Variants in STAM observed in about 807,000 individuals in gnomAD.
STAM encodes the protein signal transducing adaptor molecule.
Under a neutral mutation model 63.4 loss-of-function variants are expected in STAM, and 16 were observed. That is an observed-to-expected ratio of 0.25 (90% confidence interval 0.17 to 0.38). The LOEUF (loss-of-function observed/expected upper bound fraction) is 0.38, where lower values mean the gene tolerates loss of function less well. Ranked by LOEUF, STAM falls within the 10% of genes least tolerant of loss-of-function variation. The pLI, the probability that STAM is intolerant of heterozygous loss-of-function variation, is 1.00. For missense variants in STAM, 636 were observed against 657.1 expected (o/e 0.97, Z 0.35); for synonymous variants, 238 against 223.9 (o/e 1.06, Z -0.56).
At chr10:17,682,548 G>T (rs951227643) in intron 2 of STAM, among the ~76,000 whole-genome samples, 6 of 152,012 alleles carry the variant, frequency 3.9e-5, no homozygotes, top group Non-Finnish European at 7.4e-5. Flanking sequence ...AAATATTTGG[G>T]TATTTTTATG....
chr10:17,712,301 A>G (rs1836589388), intron 13 of STAM, among the ~76,000 whole-genome samples: 1 of 152,216 alleles, frequency 6.6e-6, no homozygotes, highest in African/African-American at 2.4e-5. Flanking sequence ...TAAACCAGAC[A>G]TTCTGACTCC....
intron 12 of STAM, among the ~76,000 whole-genome samples, chr10:17,706,278 A>T (rs554247979): frequency 4.0e-5 from 6 of 151,532 alleles, no homozygotes; most frequent in Non-Finnish European, 8.8e-5. Context: ...AGGGTTATGC[A>T]GCAGAATCAG....
At chr10:17,658,200 T>A (rs1024183192) in intron 1 of STAM, among the ~76,000 whole-genome samples, 5 of 152,168 alleles carry the variant, frequency 3.3e-5, no homozygotes, top group Admixed American at 3.3e-4. Context: ...CTTTTAAGTT[T>A]TTTTTTTACT....
intron 12 of STAM, among the ~76,000 whole-genome samples, chr10:17,705,952 C>T (rs1423431513): frequency 1.3e-5 from 2 of 151,976 alleles, no homozygotes; most frequent in Non-Finnish European, 2.9e-5. Flanking sequence ...TTCCTTGGTC[C>T]CTGCTCTCGA....
chr10:17,670,298 G>A (rs4748397), intron 2 of STAM, among the ~76,000 whole-genome samples: 16,139 of 152,174 alleles, frequency 0.11, 927 homozygotes, highest in Middle Eastern at 0.15. Context: ...ATAGAATTCT[G>A]ATGACTGTTG....
chr10:17,693,347 T>G, intron 6 of STAM, 35 bp downstream of exon 6: 1 of 1,499,246 alleles, frequency 6.7e-7, no homozygotes, highest in Non-Finnish European at 9.1e-7. Context: ...GGGAATAACA[T>G]AAGCCTTTAT....
Position 17,714,879 on chromosome 10 carries a change from G to C in STAM, c.*99G>C, listed in dbSNP as rs782174609. On this transcript the variant is annotated 3_prime_UTR_variant, in exon 14 of 14. Transcript: ENST00000377524. ...AAGATGTGTTTATCCTCAGCTTATA[G>C]GAATCTCTCCAGGTCAACAGGTTCA... is the stretch of plus-strand genomic sequence containing the variant. 8.5e-7 allele frequency: 1 copy of C among 1,178,710 alleles called. No individual in the cohort carries two copies. Among genetic ancestry groups the C allele is most frequent in the Non-Finnish European group, 1.3e-6 (1 of 799,152 alleles). The allele number at this position is 1,178,710 out of a possible 1,614,324, so 73.0% of individuals were successfully genotyped here.
chr10:17,671,941 T>A (rs543961865), intron 2 of STAM, among the ~76,000 whole-genome samples: 1 of 152,356 alleles, frequency 6.6e-6, no homozygotes, highest in African/African-American at 2.4e-5. Context: ...GTCTTTTCAA[T>A]GACAATAATT....
intron 5 of STAM, among the ~76,000 whole-genome samples, chr10:17,690,520 T>C (rs1391552254): frequency 6.6e-6 from 1 of 152,166 alleles, no homozygotes; most frequent in Non-Finnish European, 1.5e-5. Context: ...CTGAAAAGCT[T>C]ATTAGAAACC....
rs936538262 is a variant in STAM at position 17,715,488 on chromosome 10, T to A, written c.*708T>A. 1 of 150,684 alleles carries A rather than the reference T, an allele frequency of 6.6e-6. No individual in the cohort carries two copies. Among genetic ancestry groups the A allele is most frequent in the Non-Finnish European group, 1.5e-5 (1 of 67,230 alleles). 9.3% of individuals were successfully genotyped at this position (150,684 alleles called of 1,614,324 possible). ...ATCACACCAGCGTACAGTAGCTAAA[T>A]TTTTGGTGCAATTATAGCAAATGAT... On this transcript the variant is annotated 3_prime_UTR_variant, in exon 14 of 14. Coordinates refer to ENST00000377524, the MANE Select transcript of STAM (RefSeq NM_003473.4).
In STAM at chr10:17,691,735, C is replaced by G. The variant is rs1364403063; in HGVS notation, c.445-1487C>G. Among the ~76,000 whole-genome samples, 3 of 152,146 alleles carry G rather than the reference C, an allele frequency of 2.0e-5. No homozygotes were observed. In the East Asian group the frequency reaches 5.8e-4, roughly 29 times the overall value. On this transcript the variant is annotated intron_variant, in intron 5 of 13. Transcript: ENST00000377524. Reference sequence around the variant, plus strand: ...TGTAATCAGACAATTATAACAGAAGCTGAGATTATTGCCTGTTACAATGTT... The same window carrying G: ...TGTAATCAGACAATTATAACAGAAGGTGAGATTATTGCCTGTTACAATGTT...
chr10:17,677,227 G>T (rs1834893350), intron 2 of STAM, among the ~76,000 whole-genome samples: 1 of 152,014 alleles, frequency 6.6e-6, no homozygotes, highest in Non-Finnish European at 1.5e-5. Flanking sequence ...AAAATAAAAA[G>T]GAATAGTTTC....
Position 17,644,252 on chromosome 10 carries a change from T to C in STAM, c.-88T>C. On this transcript the variant is annotated 5_prime_UTR_variant, in exon 1 of 14. Transcript: ENST00000377524. ...TAGAGTCGGTCTCTGTTGCTCTTTT[T>C]GCCTGAGGAGTCTTCCATCCTACGT... is the stretch of plus-strand genomic sequence containing the variant. 3 of 1,455,976 alleles carry C rather than the reference T, an allele frequency of 2.1e-6. No individual in the cohort carries two copies. The highest frequency in any genetic ancestry group is 2.9e-6 in the Non-Finnish European group (3 of 1,040,288). The allele number at this position is 1,455,976 out of a possible 1,614,324, so 90.2% of individuals were successfully genotyped here.
chr10:17,687,525 GA>G (rs1554826246), intron 4 of STAM, among the ~76,000 whole-genome samples: 2 of 152,032 alleles, frequency 1.3e-5, no homozygotes, highest in African/African-American at 4.8e-5. Flanking sequence ...GAAAAGAAAG[GA>G]AAAAAAGTTA....
chr10:17,686,099 C>T lies in STAM; in HGVS notation c.297+1172C>T, dbSNP rs147135123. Among the ~76,000 whole-genome samples, 580 of 152,200 alleles carry T rather than the reference C, an allele frequency of 3.8e-3. 3 individuals are homozygous for T. Among genetic ancestry groups the T allele is most frequent in the African/African-American group, 0.013 (557 of 41,528 alleles). ...CGAACATCATGGTTAAATGATAATTCTTTCCCTTTCCTGCTTTATGCAGTT... is the reference window on the plus strand; with the variant it reads ...CGAACATCATGGTTAAATGATAATTTTTTCCCTTTCCTGCTTTATGCAGTT... On this transcript the variant is annotated intron_variant, in intron 4 of 13. Transcript: ENST00000377524.
In STAM at chr10:17,714,616, A is replaced by ACTG. The variant is rs782002522; in HGVS notation, c.1470_1472dup (p.Ala491dup). 33 of 1,613,324 alleles carry ACTG rather than the reference A, an allele frequency of 2.0e-5. No homozygotes were observed. The highest frequency in any genetic ancestry group is 2.7e-5 in the Non-Finnish European group (32 of 1,179,346). ...AGTATATAGTCCTCCTCCTGCCGCTACTGCTGCTGCTGCAACTGCCGATGT... is the reference window on the plus strand; with the variant it reads ...AGTATATAGTCCTCCTCCTGCCGCTACTGCTGCTGCTGCTGCAACTGCCGATGT... On this transcript the variant is annotated inframe_insertion, in exon 14 of 14. Transcript: ENST00000377524.
chr10:17,690,513 A>T (rs1554826637), intron 5 of STAM, among the ~76,000 whole-genome samples: 1 of 152,198 alleles, frequency 6.6e-6, no homozygotes, highest in Non-Finnish European at 1.5e-5. Flanking sequence ...GTGGTTTCTG[A>T]AAAGCTTATT....
rs528580753 is a variant in STAM at position 17,663,340 on chromosome 10, A to T, written c.125+2792A>T. 1.1e-4 allele frequency among the ~76,000 whole-genome samples: 16 copies of T among 151,700 alleles called. No individual in the cohort carries two copies. In the East Asian group the frequency reaches 2.9e-3, roughly 28 times the overall value. On this transcript the variant is annotated intron_variant, in intron 2 of 13. Transcript: ENST00000377524. ...TATCAATAGGTTTAGACACATGCTC[A>T]TTTTTTTTAGTTTTTCATATTTATT...
At chr10:17,671,469 C>T (rs1834638676) in intron 2 of STAM, among the ~76,000 whole-genome samples, 1 of 152,192 alleles carries the variant, frequency 6.6e-6, no homozygotes, top group South Asian at 2.1e-4. Context: ...TGAGGTCTGT[C>T]AAAGCTTCAA....
Sources: gnomAD v4.1 joint callset for allele counts (sites outside exome capture counted in the v4.1 genomes callset) on GRCh38, gnomAD v4.1.1 for gene constraint, MANE v1.5 for transcripts, NCBI Gene and HGNC (gene_info 2026-07-23, HGNC 2026-07-21) for gene names.